Variants in ATP2B2 observed in about 807,000 individuals in gnomAD.
The protein encoded by ATP2B2 is plasma membrane calcium-transporting ATPase 2.
ATP2B2 carries 15 observed loss-of-function variants against 120.0 expected under a neutral mutation model. That is an observed-to-expected ratio of 0.12 (90% CI 0.08 to 0.19). The LOEUF (loss-of-function observed/expected upper bound fraction) is 0.19, where lower values mean the gene tolerates loss of function less well. Ranked by LOEUF, ATP2B2 falls within the 10% of genes least tolerant of loss-of-function variation. ATP2B2 has a pLI of 1.00. For missense variants in ATP2B2, 1,045 were observed against 1,719.8 expected (o/e 0.61, Z 6.94); for synonymous variants, 694 against 700.3 (o/e 0.99, Z 0.14).
At chr3:10,413,373 T>C (rs2062678127) in intron 2 of ATP2B2, among the ~76,000 whole-genome samples, 1 of 152,224 alleles carries the variant, frequency 6.6e-6, no homozygotes, top group Admixed American at 6.5e-5. Context: ...GCTCCCTCCC[T>C]AGGAGACCTC....
chr3:10,439,730 A>G (rs777814501), intron 2 of ATP2B2, among the ~76,000 whole-genome samples: 1 of 151,942 alleles, frequency 6.6e-6, no homozygotes, highest in African/African-American at 2.4e-5. Context: ...AAAAAGGAGT[A>G]TCAGGCCGGG....
At chr3:10,538,796 T>C (rs2067372440) in intron 2 of ATP2B2, among the ~76,000 whole-genome samples, 1 of 152,166 alleles carries the variant, frequency 6.6e-6, no homozygotes, top group African/African-American at 2.4e-5. Context: ...ACTGGAAGCA[T>C]TCCCTTTGAA....
At chr3:10,477,283 T>C (rs2065240165) in intron 1 of ATP2B2, among the ~76,000 whole-genome samples, 1 of 152,244 alleles carries the variant, frequency 6.6e-6, no homozygotes, top group Non-Finnish European at 1.5e-5. Flanking sequence ...ATGGGGAAGA[T>C]GCTCTTCTGC....
chr3:10,342,935 A>G lies in ATP2B2; in HGVS notation c.2734T>C (p.Trp912Arg). The G allele has an allele frequency of 6.2e-7, 1 of 1,614,116 alleles. No individual in the cohort carries two copies. The highest frequency in any genetic ancestry group is 8.5e-7 in the Non-Finnish European group (1 of 1,180,010). ...DSPLKAVQML[W>R]VNLIMDTFAS... ...AACGTGTCCATGATGAGGTTCACCC[A>G]GAGCATCTGCACGGCCTTCAGAGGG... Residue 912 changes from tryptophan (W) to arginine (R), a missense_variant, in exon 19 of 23, where the codon TGG becomes CGG. By Grantham distance (101) the Trp-to-Arg change is moderately radical. Transcript: ENST00000360273. This position sits in a 1 kb window ranked among gnomAD's most constrained non-coding sequence, Gnocchi z 4.4.
At chr3:10,362,423 G>A (rs1286859681) in intron 12 of ATP2B2, among the ~76,000 whole-genome samples, 4 of 152,230 alleles carry the variant, frequency 2.6e-5, no homozygotes, top group South Asian at 2.1e-4. Flanking sequence ...GCATTGACAC[G>A]CAGTGGTCCT....
intron 3 of ATP2B2, among the ~76,000 whole-genome samples, chr3:10,526,414 T>C (rs2067093293): frequency 1.3e-5 from 2 of 152,156 alleles, no homozygotes; most frequent in South Asian, 4.1e-4. Context: ...CTTGAGGAGC[T>C]CTGCAGTTCC....
chr3:10,391,270 T>G (rs1219024372), intron 5 of ATP2B2, among the ~76,000 whole-genome samples: 4 of 152,172 alleles, frequency 2.6e-5, no homozygotes, highest in African/African-American at 7.2e-5. Context: ...GGACTTGAAC[T>G]CTCTGCTGTC....
chr3:10,416,442 CA>C (rs1166827136), intron 2 of ATP2B2, among the ~76,000 whole-genome samples: 1 of 152,208 alleles, frequency 6.6e-6, no homozygotes, highest in African/African-American at 2.4e-5. Flanking sequence ...AAAGAGGTTT[CA>C]TTTGGTCTGC....
At chr3:10,390,818 C>A (rs1316770166) in intron 5 of ATP2B2, among the ~76,000 whole-genome samples, 4 of 152,170 alleles carry the variant, frequency 2.6e-5, no homozygotes, top group African/African-American at 9.7e-5. Context: ...GGCTGAGCAG[C>A]CCAGGCCTGG....
chr3:10,412,275 T>G (rs1337594733), intron 2 of ATP2B2, among the ~76,000 whole-genome samples: 1 of 152,186 alleles, frequency 6.6e-6, no homozygotes, highest in African/African-American at 2.4e-5. Flanking sequence ...ATTTGTACCT[T>G]GGAAGAGGGG....
chr3:10,547,852 C>A (rs1316247962), intron 2 of ATP2B2, among the ~76,000 whole-genome samples: 1 of 152,336 alleles, frequency 6.6e-6, no homozygotes, highest in South Asian at 2.1e-4. Flanking sequence ...TAGACATTTG[C>A]TGAACATGTT....
At chr3:10,666,277 C>G (rs1181655538) in intron 1 of ATP2B2, among the ~76,000 whole-genome samples, 1 of 152,168 alleles carries the variant, frequency 6.6e-6, no homozygotes, top group African/African-American at 2.4e-5. Flanking sequence ...GAGAGATGAC[C>G]AGAGTGGGCA....
chr3:10,469,366 G>A (rs2125272464), intron 1 of ATP2B2, among the ~76,000 whole-genome samples: 1 of 152,320 alleles, frequency 6.6e-6, no homozygotes, highest in Admixed American at 6.5e-5. Context: ...ACTTGCCCAA[G>A]GTCACTCAGA....
intron 3 of ATP2B2, among the ~76,000 whole-genome samples, chr3:10,533,398 G>A (rs1477743519): frequency 6.6e-6 from 1 of 152,190 alleles, no homozygotes; most frequent in African/African-American, 2.4e-5. Flanking sequence ...CACTTTACAT[G>A]AATCATCTGC....
At chr3:10,664,720 C>T (rs943073602) in intron 1 of ATP2B2, among the ~76,000 whole-genome samples, 2 of 152,178 alleles carry the variant, frequency 1.3e-5, no homozygotes, top group Non-Finnish European at 2.9e-5. Flanking sequence ...TTGTTGGAAA[C>T]ACAAGAGCAA....
chr3:10,679,800 C>T (rs2071337891), intron 1 of ATP2B2, among the ~76,000 whole-genome samples: 1 of 152,104 alleles, frequency 6.6e-6, no homozygotes, highest in Non-Finnish European at 1.5e-5. Context: ...TTATGGAAAG[C>T]TTAAAAACAT....
chr3:10,470,108 A>C (rs1313043294), intron 1 of ATP2B2, among the ~76,000 whole-genome samples: 2 of 152,150 alleles, frequency 1.3e-5, no homozygotes, highest in South Asian at 2.1e-4. Context: ...AGGGAAAAGG[A>C]ATCACTTGAA....
At chr3:10,550,093 C>T (rs1359871958) in intron 2 of ATP2B2, among the ~76,000 whole-genome samples, 1 of 152,248 alleles carries the variant, frequency 6.6e-6, no homozygotes, top group African/African-American at 2.4e-5. Context: ...CATGACAGGT[C>T]TTGGGAACTT....
chr3:10,500,788 T>G (rs2066352273), intron 1 of ATP2B2, among the ~76,000 whole-genome samples: 1 of 152,188 alleles, frequency 6.6e-6, no homozygotes, highest in South Asian at 2.1e-4. Context: ...TAGCCTGTGG[T>G]CATTTGTTAT....
Sources: allele counts gnomAD v4.1 joint callset (sites outside exome capture counted in the v4.1 genomes callset), GRCh38; gene constraint gnomAD v4.1.1; non-coding constraint Gnocchi (gnomAD v3.1); transcripts MANE v1.5; gene names NCBI Gene and HGNC (gene_info 2026-07-23, HGNC 2026-07-21).